SH2D4A: variants seen among roughly 807,000 people sequenced by gnomAD.
SH2D4A encodes SH2 domain containing 4A, also known as SH2 domain-containing protein 4A.
In SH2D4A, 70 loss-of-function variants were observed where a neutral mutation model predicts 64.7. The observed-to-expected ratio is 1.08, with a 90% confidence interval of 0.89 to 1.32. The LOEUF is 1.32. SH2D4A is among the 40% of genes most tolerant of loss of function. The probability of loss-of-function intolerance (pLI) is 0.00; values close to 1 mark genes in which losing one functional copy is unlikely to be tolerated. For synonymous variants in SH2D4A, 268 were observed against 200.7 expected (o/e 1.34, Z -2.83); for missense variants, 706 against 540.1 (o/e 1.31, Z -3.04).
In SH2D4A at chr8:19,329,165, C is replaced by G. The variant is rs190911240; in HGVS notation, c.182-3790C>G. ...GCATCCAGCGTCAAACACACCCTCA[C>G]TCTCTGTCTAAATTCCATATCCATC... On this transcript the variant is annotated intron_variant, in intron 2 of 9. Transcript: ENST00000265807. Among the ~76,000 whole-genome samples the G allele has an allele frequency of 1.2e-4, 19 of 152,324 alleles. 1 individual carries two copies. Among genetic ancestry groups the G allele is most frequent in the Admixed American group, 2.6e-4 (4 of 15,300 alleles).
intron 1 of SH2D4A, among the ~76,000 whole-genome samples, chr8:19,317,485 C>T (rs1019545498): frequency 8.4e-6 from 1 of 119,756 alleles, no homozygotes; most frequent in Non-Finnish European, 1.8e-5. Flanking sequence ...TGATAGGTTG[C>T]AGTCAGTAGG....
intron 9 of SH2D4A, 118 bp downstream of exon 9, chr8:19,393,659 G>A: frequency 1.1e-6 from 1 of 914,220 alleles, no homozygotes; most frequent in Non-Finnish European, 1.7e-6. Flanking sequence ...GGACAGGGGT[G>A]GGGGCTTGTC....
intron 4 of SH2D4A, among the ~76,000 whole-genome samples, chr8:19,346,621 T>A (rs1162105178): frequency 1.3e-5 from 2 of 152,044 alleles, no homozygotes; most frequent in Admixed American, 6.6e-5. Flanking sequence ...TATGGAAAAA[T>A]TGTCTTCCAC....
chr8:19,349,078 G>C (rs1231825132), intron 4 of SH2D4A, among the ~76,000 whole-genome samples: 1 of 152,154 alleles, frequency 6.6e-6, no homozygotes. Context: ...TTCCAAGCTA[G>C]GAGTCATTTG....
chr8:19,350,068 CAATCATGTTTTTTT>C (rs2052674550), intron 4 of SH2D4A, among the ~76,000 whole-genome samples: 2 of 152,212 alleles, frequency 1.3e-5, no homozygotes, highest in African/African-American at 4.8e-5. Flanking sequence ...CTTCCTGTAT[CAATCATGTTTTTTT>C]AATCATGTTT....
At chr8:19,329,814 G>A (rs1484826309) in intron 2 of SH2D4A, among the ~76,000 whole-genome samples, 2 of 152,162 alleles carry the variant, frequency 1.3e-5, no homozygotes, top group South Asian at 4.1e-4. Context: ...GGTGCAAGTA[G>A]CTCCTCCTTG....
chr8:19,321,656 CTT>C lies in SH2D4A; in HGVS notation c.181+1932_181+1933del, dbSNP rs564338504. On this transcript the variant is annotated intron_variant, in intron 2 of 9. Coordinates refer to ENST00000265807, the MANE Select transcript of SH2D4A (RefSeq NM_022071.4). ...AACATGGCCAAACTGAAACATAACT[CTT>C]TTTCTTTCTAAACTGGTTTATGCAC... 1.9e-3 allele frequency among the ~76,000 whole-genome samples: 292 copies of C among 152,318 alleles called. 2 individuals are homozygous for C. The highest frequency in any genetic ancestry group is 2.1e-3 in the South Asian group (10 of 4,822).
chr8:19,386,375 C>G (rs187906375), intron 8 of SH2D4A, among the ~76,000 whole-genome samples: 1 of 152,356 alleles, frequency 6.6e-6, no homozygotes, highest in African/African-American at 2.4e-5. Context: ...TGACTTTTCT[C>G]ATAAATTAGT....
intron 8 of SH2D4A, among the ~76,000 whole-genome samples, chr8:19,379,128 G>T (rs987586631): frequency 9.3e-5 from 14 of 150,692 alleles, no homozygotes; most frequent in Non-Finnish European, 1.5e-5. Context: ...ATCTGCAGAA[G>T]TTATTTCACC....
At chr8:19,349,802 C>T (rs894757545) in intron 4 of SH2D4A, among the ~76,000 whole-genome samples, 1 of 152,204 alleles carries the variant, frequency 6.6e-6, no homozygotes, top group South Asian at 2.1e-4. Flanking sequence ...CTCCAGTGTT[C>T]AAGTGATTCT....
At chr8:19,345,616 C>G (rs1282937520) in intron 4 of SH2D4A, among the ~76,000 whole-genome samples, 1 of 152,204 alleles carries the variant, frequency 6.6e-6, no homozygotes. Context: ...ACAGCCCTCC[C>G]CTTGGAGACT....
chr8:19,334,310 A>C (rs779055064), intron 3 of SH2D4A, among the ~76,000 whole-genome samples: 23 of 152,284 alleles, frequency 1.5e-4, no homozygotes, highest in Non-Finnish European at 2.6e-4. Flanking sequence ...CTATCCATGG[A>C]CATATGAAGA....
chr8:19,375,990 C>T (rs1349954040), intron 8 of SH2D4A, among the ~76,000 whole-genome samples: 1 of 152,150 alleles, frequency 6.6e-6, no homozygotes, highest in East Asian at 1.9e-4. Context: ...CCTCGGTCAC[C>T]TCTCCAGGCC....
intron 7 of SH2D4A, 79 bp from the exon 8 acceptor site, chr8:19,373,451 T>C (rs2053140701): frequency 1.1e-6 from 1 of 916,280 alleles, no homozygotes; most frequent in Non-Finnish European, 1.5e-6. Flanking sequence ...TGTGTATATA[T>C]ATATATATAT....
intron 4 of SH2D4A, among the ~76,000 whole-genome samples, chr8:19,353,593 T>C (rs550422565): frequency 2.2e-4 from 33 of 151,692 alleles, no homozygotes; most frequent in African/African-American, 7.2e-4. Context: ...GGTCTGGATC[T>C]CTTGAGCTTG....
intron 4 of SH2D4A, among the ~76,000 whole-genome samples, chr8:19,337,089 G>T (rs1025709816): frequency 6.6e-6 from 1 of 152,076 alleles, no homozygotes; most frequent in Non-Finnish European, 1.5e-5. Context: ...TGGGGGCAGG[G>T]GAGAAAGAAA....
At chr8:19,389,412 T>G (rs1416082832) in intron 8 of SH2D4A, among the ~76,000 whole-genome samples, 1 of 152,178 alleles carries the variant, frequency 6.6e-6, no homozygotes, top group Non-Finnish European at 1.5e-5. Context: ...AAGCCCTATT[T>G]CAGAGTTCAG....
At chr8:19,391,834 G>A (rs1295525793) in intron 8 of SH2D4A, among the ~76,000 whole-genome samples, 3 of 152,220 alleles carry the variant, frequency 2.0e-5, no homozygotes, top group South Asian at 4.1e-4. Context: ...AAAGGGCTAT[G>A]GCAGCCCCTT....
intron 1 of SH2D4A, among the ~76,000 whole-genome samples, chr8:19,314,445 C>T (rs1469256811): frequency 6.6e-6 from 1 of 152,124 alleles, no homozygotes; most frequent in Non-Finnish European, 1.5e-5. Context: ...CTCCCTCGGG[C>T]TGCAGCGGCG....
Sources: gnomAD v4.1 joint callset for allele counts (sites outside exome capture counted in the v4.1 genomes callset) on GRCh38, gnomAD v4.1.1 for gene constraint, MANE v1.5 for transcripts, NCBI Gene and HGNC (gene_info 2026-07-23, HGNC 2026-07-21) for gene names.